PCDH15: variants seen among roughly 807,000 people sequenced by gnomAD.
The protein encoded by PCDH15 is protocadherin related 15.
In PCDH15, 129 loss-of-function variants were observed where a neutral mutation model predicts 178.5. That is an observed-to-expected ratio of 0.72 (90% CI 0.63 to 0.84). The LOEUF (loss-of-function observed/expected upper bound fraction) is 0.84. Among genes scored for constraint, PCDH15 ranks in the 40% least tolerant of loss-of-function variants. PCDH15 has a pLI of 0.00. For synonymous variants in PCDH15, 800 were observed against 732.0 expected, an observed-to-expected ratio of 1.09 and a Z score of -1.50; for missense variants, 2,230 against 2,099.9, an observed-to-expected ratio of 1.06 and a Z score of -1.21.
At chr10:54,278,089 T>C (rs2058451536) in intron 8 of PCDH15, among the ~76,000 whole-genome samples, 1 of 151,628 alleles carries the variant, frequency 6.6e-6, no homozygotes, top group African/African-American at 2.4e-5. Context: ...ACTAAGTTTA[T>C]AAAGATAAAA....
chr10:55,283,254 C>T (rs1016951070), intron 1 of PCDH15, among the ~76,000 whole-genome samples: 1 of 151,998 alleles, frequency 6.6e-6, no homozygotes, highest in Non-Finnish European at 1.5e-5. Flanking sequence ...GTGGCCCTTA[C>T]CCAAGAAATG....
intron 25 of PCDH15, among the ~76,000 whole-genome samples, chr10:53,937,924 G>T (rs571411425): frequency 1.3e-5 from 2 of 152,136 alleles, no homozygotes; most frequent in Non-Finnish European, 2.9e-5. Context: ...TTCAGATCCT[G>T]TTTCTCATTT....
chr10:54,390,871 T>C (rs1443412366), intron 3 of PCDH15, among the ~76,000 whole-genome samples: 5 of 152,162 alleles, frequency 3.3e-5, no homozygotes, highest in Non-Finnish European at 7.3e-5. Context: ...ACCATTATCA[T>C]TTTCCCATCT....
Position 53,831,358 on chromosome 10 carries a change from A to G in PCDH15, c.4159T>C (p.Cys1387Arg), listed in dbSNP as rs2132634868. Residue 1387 changes from cysteine to arginine, a missense_variant, in exon 30 of 38, where the codon TGC (cysteine) becomes CGC (arginine). By Grantham distance (180) the Cys-to-Arg change is radical. Coordinates refer to ENST00000644397, the MANE Select transcript of PCDH15 (RefSeq NM_001384140.1). ...LLALAFIIIL[C>R]CIPAILVVLV... ...ACCACCAAGATGGCAGGAATGCAGC[A>G]GAGGATGATGATGAAGGCCAGAGCC... 1.2e-6 allele frequency: 2 copies of G among 1,614,146 alleles called. No individual in the cohort carries two copies. The highest frequency in any genetic ancestry group is 2.2e-5 in the East Asian group (1 of 44,874).
intron 3 of PCDH15, among the ~76,000 whole-genome samples, chr10:54,514,482 T>C (rs976369338): frequency 1.3e-5 from 2 of 151,946 alleles, no homozygotes; most frequent in African/African-American, 4.8e-5. Flanking sequence ...CTATCATGAA[T>C]ATTAGCTGAT....
intron 8 of PCDH15, among the ~76,000 whole-genome samples, chr10:54,272,634 T>A (rs553293884): frequency 6.6e-6 from 1 of 152,226 alleles, no homozygotes; most frequent in Non-Finnish European, 1.5e-5. Flanking sequence ...ATGAATCCAG[T>A]TTTTAAAAAT....
At chr10:54,267,692 A>G (rs1230709537) in intron 8 of PCDH15, among the ~76,000 whole-genome samples, 1 of 151,930 alleles carries the variant, frequency 6.6e-6, no homozygotes, top group African/African-American at 2.4e-5. Flanking sequence ...AGAGAAAAAA[A>G]TGAAATACTT....
At chr10:55,434,576 ATATT>A (rs1838987700) in intron 2 of PCDH15, among the ~76,000 whole-genome samples, 1 of 151,378 alleles carries the variant, frequency 6.6e-6, no homozygotes, top group South Asian at 2.1e-4. Flanking sequence ...TTTCAAAAGC[ATATT>A]TAATTATTCA....
At chr10:53,910,223 G>T (rs1008576359) in intron 25 of PCDH15, among the ~76,000 whole-genome samples, 1 of 152,172 alleles carries the variant, frequency 6.6e-6, no homozygotes, top group Non-Finnish European at 1.5e-5. Context: ...CCCTACCCCA[G>T]TGTAGCCTAA....
chr10:54,935,733 T>A (rs1837887642), intron 2 of PCDH15, among the ~76,000 whole-genome samples: 1 of 152,100 alleles, frequency 6.6e-6, no homozygotes, highest in East Asian at 1.9e-4. Context: ...ATCTACCACA[T>A]AATTCCTTTC....
At chr10:54,238,710 C>CAA (rs1554853034) in intron 8 of PCDH15, among the ~76,000 whole-genome samples, 4,408 of 150,308 alleles carry the variant, frequency 0.029, 165 homozygotes, top group African/African-American at 0.088. Context: ...CACACACACA[C>CAA]ACACTTTCCC....
intron 20 of PCDH15, among the ~76,000 whole-genome samples, chr10:54,004,426 CCA>C (rs1491077657): frequency 2.1e-5 from 2 of 96,830 alleles, no homozygotes; most frequent in African/African-American, 5.5e-5. Context: ...CACACACACA[CCA>C]CACAAAGTAT....
At chr10:54,996,436 T>C (rs1339261643) in intron 2 of PCDH15, among the ~76,000 whole-genome samples, 1 of 152,160 alleles carries the variant, frequency 6.6e-6, no homozygotes, top group Non-Finnish European at 1.5e-5. Flanking sequence ...CTTTGGATAC[T>C]TGGGGCTAGT....
intron 2 of PCDH15, among the ~76,000 whole-genome samples, chr10:55,015,521 C>T (rs747574928): frequency 2.0e-5 from 3 of 152,040 alleles, no homozygotes; most frequent in Admixed American, 6.6e-5. Flanking sequence ...CAAAAATAAG[C>T]GAGGATAGGT....
At chr10:53,975,704 C>A (rs2090128981) in intron 21 of PCDH15, among the ~76,000 whole-genome samples, 1 of 151,984 alleles carries the variant, frequency 6.6e-6, no homozygotes, top group South Asian at 2.1e-4. Context: ...TAAACACTTT[C>A]TCTTATTCTA....
chr10:55,450,133 G>A (rs1208797440), intron 2 of PCDH15, among the ~76,000 whole-genome samples: 1 of 152,098 alleles, frequency 6.6e-6, no homozygotes, highest in African/African-American at 2.4e-5. Context: ...CATAATGTAG[G>A]TAATGACTTC....
At chr10:54,588,242 T>C (rs1377917724) in intron 2 of PCDH15, among the ~76,000 whole-genome samples, 1 of 152,200 alleles carries the variant, frequency 6.6e-6, no homozygotes, top group African/African-American at 2.4e-5. Context: ...TTCTATTATG[T>C]ATGTTTCTGT....
intron 2 of PCDH15, among the ~76,000 whole-genome samples, chr10:54,618,306 A>G (rs931775662): frequency 8.5e-5 from 13 of 152,146 alleles, no homozygotes; most frequent in Admixed American, 5.9e-4. Flanking sequence ...CAAATGCCCT[A>G]TTAGGTTTAG....
intron 3 of PCDH15, among the ~76,000 whole-genome samples, chr10:54,462,894 T>C (rs1269007724): frequency 6.6e-6 from 1 of 151,860 alleles, no homozygotes; most frequent in Non-Finnish European, 1.5e-5. Flanking sequence ...TCACATTCTC[T>C]TCCTTTAGTT....
Sources: allele counts gnomAD v4.1 joint callset (sites outside exome capture counted in the v4.1 genomes callset), GRCh38; gene constraint gnomAD v4.1.1; transcripts MANE v1.5; gene names NCBI Gene and HGNC (gene_info 2026-07-23, HGNC 2026-07-21).